TNFSF4: variants seen among roughly 807,000 people sequenced by gnomAD.
TNFSF4 encodes tumor necrosis factor ligand superfamily member 4.
A neutral mutation model predicts 7.3 loss-of-function variants in TNFSF4; 4 were observed. The ratio of observed to expected loss-of-function variants is 0.55; its 90% CI spans 0.27 to 1.25. The LOEUF (loss-of-function observed/expected upper bound fraction) is 1.25, where lower values mean the gene tolerates loss of function less well. Ranked by LOEUF, TNFSF4 falls within the 50% of genes most tolerant of loss-of-function variation. The pLI, the probability that TNFSF4 is intolerant of heterozygous loss-of-function variation, is 0.12. For synonymous variants in TNFSF4, 76 were observed against 83.7 expected, an observed-to-expected ratio of 0.91 and a Z score of 0.50; for missense variants, 181 against 208.8, an observed-to-expected ratio of 0.87 and a Z score of 0.82.
At chr1:173,417,510 G>A in the TNFSF4 span, among the ~76,000 whole-genome samples, 3 of 32,740 alleles carry the variant, frequency 9.2e-5, no homozygotes, top group South Asian at 3.1e-3. Flanking sequence ...ACGTGGAAGC[G>A]TGGCCAGCAA....
At chr1:173,345,851 G>A in the TNFSF4 span, among the ~76,000 whole-genome samples, 14 of 152,200 alleles carry the variant, frequency 9.2e-5, no homozygotes, top group Non-Finnish European at 1.8e-4. Context: ...GGAGTCAGTG[G>A]GCCACCAGAT....
At chr1:173,241,960 G>A in the TNFSF4 span, among the ~76,000 whole-genome samples, 1 of 152,212 alleles carries the variant, frequency 6.6e-6, no homozygotes, top group South Asian at 2.1e-4. Flanking sequence ...ACAAGAGTAG[G>A]GGAACTTACA....
the TNFSF4 span, among the ~76,000 whole-genome samples, chr1:173,293,042 G>A: frequency 7.8e-4 from 118 of 152,038 alleles, no homozygotes; most frequent in Non-Finnish European, 1.3e-3. Context: ...GGAAGAATCA[G>A]TATTGTTAAA....
Position 173,186,532 on chromosome 1 carries a change from T to A in TNFSF4, c.536A>T (p.Glu179Val). ...ELILIHQNPG[E>V]FCVL ...ATCAGCCCCTCAAAGGACACAGAAT[T>A]CACCAGGATTTTGATGGATAAGAAT... The change falls in exon 3 of 3, where the codon GAA becomes GTA. Residue 179 changes from glutamate to valine, a missense_variant. Coordinates refer to ENST00000281834, the MANE Select transcript of TNFSF4 (RefSeq NM_003326.5). 1 of 1,612,690 alleles carries A rather than the reference T, an allele frequency of 6.2e-7. No homozygotes were observed. Among genetic ancestry groups the A allele is most frequent in the Non-Finnish European group, 8.5e-7 (1 of 1,179,134 alleles).
the TNFSF4 span, among the ~76,000 whole-genome samples, chr1:173,230,866 A>G: frequency 1.3e-5 from 2 of 152,226 alleles, no homozygotes; most frequent in East Asian, 1.9e-4. Context: ...AAATTCCTGG[A>G]CACATACACC....
chr1:173,448,445 A>ATGTGAAGCCATGTG, the TNFSF4 span, among the ~76,000 whole-genome samples: 1 of 152,222 alleles, frequency 6.6e-6, no homozygotes, highest in Non-Finnish European at 1.5e-5. Flanking sequence ...AGAGACCACC[A>ATGTGAAGCCATGTG]AATAGGCTTT....
At chr1:173,430,173 A>T in the TNFSF4 span, among the ~76,000 whole-genome samples, 15 of 152,322 alleles carry the variant, frequency 9.8e-5, no homozygotes, top group East Asian at 2.3e-3. Flanking sequence ...GTTGCAGGGA[A>T]TCTAATATCC....
the TNFSF4 span, among the ~76,000 whole-genome samples, chr1:173,432,727 GA>G: frequency 4.5e-4 from 63 of 141,148 alleles, no homozygotes; most frequent in African/African-American, 6.0e-4. Flanking sequence ...GAACTCTCCT[GA>G]AAAAAAAAAA....
chr1:173,357,814 C>T, the TNFSF4 span, among the ~76,000 whole-genome samples: 3 of 152,258 alleles, frequency 2.0e-5, no homozygotes, highest in South Asian at 2.1e-4. Flanking sequence ...GGATTACAGG[C>T]GGGAGCCACT....
the TNFSF4 span, among the ~76,000 whole-genome samples, chr1:173,272,319 T>G: frequency 1.5e-4 from 23 of 152,132 alleles, no homozygotes; most frequent in Admixed American, 1.2e-3. Flanking sequence ...GCTGTGCACA[T>G]GTACCCTAGA....
At chr1:173,291,031 A>G in the TNFSF4 span, among the ~76,000 whole-genome samples, 1 of 152,204 alleles carries the variant, frequency 6.6e-6, no homozygotes, top group Non-Finnish European at 1.5e-5. Context: ...ATGCATTGCT[A>G]TAAAGAAATA....
chr1:173,197,646 T>C (rs537815764), intron 1 of TNFSF4, among the ~76,000 whole-genome samples: 12 of 152,144 alleles, frequency 7.9e-5, no homozygotes, highest in African/African-American at 2.2e-4. Flanking sequence ...TGAGAACACA[T>C]GGACATGTGG....
At chr1:173,240,541 C>T in the TNFSF4 span, among the ~76,000 whole-genome samples, 1 of 152,104 alleles carries the variant, frequency 6.6e-6, no homozygotes, top group Non-Finnish European at 1.5e-5. Context: ...TTATTTTTAA[C>T]TGATACTGAG....
At chr1:173,424,207 T>C in the TNFSF4 span, among the ~76,000 whole-genome samples, 3 of 152,350 alleles carry the variant, frequency 2.0e-5, no homozygotes, top group East Asian at 5.8e-4. Flanking sequence ...CAGAAAGAAA[T>C]AGGCAATTCT....
chr1:173,341,930 C>T, the TNFSF4 span, among the ~76,000 whole-genome samples: 315 of 152,266 alleles, frequency 2.1e-3, no homozygotes, highest in African/African-American at 6.2e-3. Context: ...TCAATGGCTC[C>T]AAGTACCCTC....
the TNFSF4 span, among the ~76,000 whole-genome samples, chr1:173,369,894 C>T: frequency 6.6e-6 from 1 of 152,102 alleles, no homozygotes; most frequent in Non-Finnish European, 1.5e-5. Flanking sequence ...TTACATCCCA[C>T]AGGAGGACCT....
chr1:173,333,488 T>C, the TNFSF4 span, among the ~76,000 whole-genome samples: 3 of 152,090 alleles, frequency 2.0e-5, no homozygotes, highest in Admixed American at 6.6e-5. Context: ...CATAATGTGA[T>C]GGTCTTTGGA....
chr1:173,439,800 C>G, the TNFSF4 span, among the ~76,000 whole-genome samples: 3 of 152,180 alleles, frequency 2.0e-5, no homozygotes, highest in African/African-American at 7.2e-5. Context: ...CACAAAATTT[C>G]TAAACAATTC....
chr1:173,371,450 C>T, the TNFSF4 span, among the ~76,000 whole-genome samples: 1 of 152,120 alleles, frequency 6.6e-6, no homozygotes, highest in African/African-American at 2.4e-5. Context: ...GAAGTCTGGG[C>T]ATTGGTAGGA....
Sources: gnomAD v4.1 joint callset for allele counts (sites outside exome capture counted in the v4.1 genomes callset) on GRCh38, gnomAD v4.1.1 for gene constraint, MANE v1.5 for transcripts, NCBI Gene and HGNC (gene_info 2026-07-23, HGNC 2026-07-21) for gene names.